Variants in TMC2 observed in about 807,000 individuals in gnomAD.
TMC2 encodes transmembrane channel-like protein 2.
Under a neutral mutation model 105.9 loss-of-function variants are expected in TMC2, and 102 were observed. The ratio of observed to expected loss-of-function variants is 0.96; its 90% CI spans 0.82 to 1.14. TMC2 has a LOEUF of 1.14. Ranked by LOEUF, TMC2 falls within the 50% of genes most tolerant of loss-of-function variation. TMC2 has a pLI of 0.00. For synonymous variants in TMC2, 402 were observed against 422.8 expected, an observed-to-expected ratio of 0.95 and a Z score of 0.60; for missense variants, 1,093 against 1,134.3, an observed-to-expected ratio of 0.96 and a Z score of 0.52.
In TMC2 at chr20:2,536,675, C is replaced by T; in HGVS notation, c.34+20C>T. ...AGGAAGGTGAGTCCACGTCCTGATC[C>T]TGCGGGGCCCGCCCACAGGGTTCCT... On this transcript the variant is annotated intron_variant, in intron 1 of 19. Transcript: ENST00000358864. 6.4e-7 allele frequency: 1 copy of T among 1,567,108 alleles called. No individual in the cohort carries two copies. The highest frequency in any genetic ancestry group is 8.7e-7 in the Non-Finnish European group (1 of 1,155,610).
At chr20:2,594,503 C>T (rs968582478) in intron 8 of TMC2, among the ~76,000 whole-genome samples, 19 of 152,268 alleles carry the variant, frequency 1.2e-4, no homozygotes, top group African/African-American at 2.9e-4. Context: ...GCTGGGATTA[C>T]GGGCGTGAGC....
intron 12 of TMC2, among the ~76,000 whole-genome samples, chr20:2,611,557 G>A (rs192767334): frequency 8.5e-4 from 130 of 152,216 alleles, no homozygotes; most frequent in African/African-American, 2.1e-3. Flanking sequence ...ACTGCCTCCC[G>A]GAAGTCTTCT....
chr20:2,570,117 T>G (rs897177945), intron 4 of TMC2, among the ~76,000 whole-genome samples: 1 of 152,140 alleles, frequency 6.6e-6, no homozygotes, highest in Non-Finnish European at 1.5e-5. Flanking sequence ...AACATAGTAC[T>G]GGAAGTCTTA....
At chr20:2,615,170 G>T (rs1202674258) in intron 14 of TMC2, among the ~76,000 whole-genome samples, 1 of 151,938 alleles carries the variant, frequency 6.6e-6, no homozygotes, top group East Asian at 1.9e-4. Flanking sequence ...AAAAATACAA[G>T]AATTAGCTGG....
intron 7 of TMC2, among the ~76,000 whole-genome samples, chr20:2,587,530 G>GT (rs11087500): frequency 0.95 from 142,589 of 150,554 alleles, 67,587 homozygotes; most frequent in East Asian, 1. Flanking sequence ...ATTTGGGAAT[G>GT]TTTTTTTTTA....
In TMC2 at chr20:2,558,646, A is replaced by G; in HGVS notation, c.273A>G (p.Ala91=). 1.3e-6 allele frequency: 2 copies of G among 1,578,350 alleles called. No individual in the cohort carries two copies. The change falls in exon 3 of 20, where the codon GCA becomes GCG. Residue 91 remains alanine, a synonymous_variant. Transcript: ENST00000358864. The surrounding 1 kb of genome is among the most constrained non-coding windows in gnomAD (Gnocchi z 4.6). ...EELGEQERGE[A]ERTCEGRRKR... ...TGGGGGAGCAGGAGCGGGGCGAGGC[A>G]GAGAGGACCTGCGAGGGCAGGAGAA...
At position 2,637,431 on chromosome 20, in the gene TMC2, C is replaced by T. The variant is rs752928856; in HGVS notation, c.2386-43C>T. 24 of 1,308,190 alleles carry T rather than the reference C, an allele frequency of 1.8e-5. No homozygotes were observed. In the South Asian group the frequency reaches 2.4e-4, roughly 13 times the overall value. 81.0% of individuals were successfully genotyped at this position (1,308,190 alleles called of 1,614,324 possible). A position where few individuals can be genotyped will look rare whatever the true frequency, so the allele number is the denominator to read the frequency against. ...TCTCAACACCTCTGAGCCTCAAAGACCCATTTCCTGGGCCAGGACCAACAG... is the reference window on the plus strand; with the variant it reads ...TCTCAACACCTCTGAGCCTCAAAGATCCATTTCCTGGGCCAGGACCAACAG... On this transcript the variant is annotated intron_variant, in intron 18 of 19. Transcript: ENST00000358864.
At chr20:2,588,496 A>C (rs1355882064) in intron 7 of TMC2, among the ~76,000 whole-genome samples, 1 of 152,174 alleles carries the variant, frequency 6.6e-6, no homozygotes, top group Non-Finnish European at 1.5e-5. Flanking sequence ...CTTTGTGGTA[A>C]TTTGTTACAC....
At position 2,635,981 on chromosome 20, in the gene TMC2, C is replaced by A. The variant is rs749437149; in HGVS notation, c.2362C>A (p.Gln788Lys). ...VSKSLSRANA[Q>K]LRKKIQVLRE... ...CAAAAGCCTTTCCCGAGCTAATGCC[C>A]AGCTGAGGAAGAAAATCCAAGTGGT... Residue 788 changes from glutamine to lysine, a missense_variant, in exon 18 of 20, where the codon CAG becomes AAG. By Grantham distance (53) the Gln-to-Lys change is moderately conservative (BLOSUM62 1). Transcript: ENST00000358864. 1 of 1,613,988 alleles carries A rather than the reference C, an allele frequency of 6.2e-7. No individual in the cohort carries two copies. Among genetic ancestry groups the A allele is most frequent in the East Asian group, 2.2e-5 (1 of 44,896 alleles).
intron 7 of TMC2, among the ~76,000 whole-genome samples, chr20:2,590,536 A>G (rs908655021): frequency 1.3e-5 from 2 of 152,092 alleles, no homozygotes; most frequent in Non-Finnish European, 2.9e-5. Context: ...AAGAACCTAT[A>G]AATTAAGAAA....
intron 3 of TMC2, among the ~76,000 whole-genome samples, chr20:2,560,013 A>G (rs2086014169): frequency 1.3e-5 from 2 of 152,204 alleles, no homozygotes; most frequent in African/African-American, 4.8e-5. Flanking sequence ...GAGATAACAC[A>G]TAGGCATTGG....
intron 11 of TMC2, among the ~76,000 whole-genome samples, chr20:2,606,884 C>CTTTTTTTTT (rs1276064402): frequency 1.9e-4 from 17 of 88,242 alleles, no homozygotes; most frequent in African/African-American, 9.6e-4. Context: ...CCCTTAATTT[C>CTTTTTTTTT]TTTTTTCTTT....
chr20:2,543,513 G>A (rs2085904676), intron 2 of TMC2, among the ~76,000 whole-genome samples: 1 of 152,226 alleles, frequency 6.6e-6, no homozygotes, highest in South Asian at 2.1e-4. Context: ...GGATTTTGAG[G>A]TGAGGCATTC....
rs570569494 is a variant in TMC2 at position 2,629,707 on chromosome 20, C to T, written c.2306+5311C>T. On this transcript the variant is annotated intron_variant, in intron 17 of 19. Coordinates refer to ENST00000358864, the MANE Select transcript of TMC2 (RefSeq NM_080751.3). ...TGGATAGATTTCAGCCAGCAGTCAC[C>T]CCCTTAGTCAGGTGCCTTTTATGCA... is the stretch of plus-strand genomic sequence containing the variant. Among the ~76,000 whole-genome samples the T allele has an allele frequency of 1.2e-4, 19 of 152,252 alleles. No homozygotes were observed. In the South Asian group the frequency reaches 3.9e-3, roughly 32 times the overall value.
At chr20:2,638,658 C>T (rs749313548) in intron 19 of TMC2, among the ~76,000 whole-genome samples, 6 of 152,058 alleles carry the variant, frequency 3.9e-5, no homozygotes, top group African/African-American at 1.4e-4. Flanking sequence ...TATTGATGAT[C>T]CCAACCCTTT....
rs1452078749 is a variant in TMC2 at position 2,562,028 on chromosome 20, C to T, written c.554+18C>T. The T allele has an allele frequency of 5.6e-6, 9 of 1,608,456 alleles. No individual in the cohort carries two copies. The African/African-American group carries it at 8.0e-5, about 14-fold the overall frequency. On this transcript the variant is annotated intron_variant, in intron 4 of 19. Transcript: ENST00000358864. ...GAGCTCAGGTGAGCAGGCTGCGGGT[C>T]AGCCAGGGCCTTCCGATGTCCACAG...
At chr20:2,633,894 T>A (rs2086623302) in intron 17 of TMC2, among the ~76,000 whole-genome samples, 1 of 152,182 alleles carries the variant, frequency 6.6e-6, no homozygotes, top group African/African-American at 2.4e-5. Context: ...TCTGAAAAAA[T>A]TTGATTCTGA....
intron 11 of TMC2, among the ~76,000 whole-genome samples, chr20:2,604,783 C>T (rs976999288): frequency 6.6e-6 from 1 of 152,162 alleles, no homozygotes; most frequent in African/African-American, 2.4e-5. Flanking sequence ...TACATAATGA[C>T]GCCTCCATAA....
intron 16 of TMC2, among the ~76,000 whole-genome samples, chr20:2,621,894 G>C (rs748157839): frequency 6.6e-6 from 1 of 152,172 alleles, no homozygotes; most frequent in Admixed American, 6.5e-5. Context: ...AGCCACCAGC[G>C]TGACAAACAG....
Sources: gnomAD v4.1 joint callset for allele counts (sites outside exome capture counted in the v4.1 genomes callset) on GRCh38, gnomAD v4.1.1 for gene constraint, Gnocchi (gnomAD v3.1) non-coding constraint, MANE v1.5 for transcripts, NCBI Gene and HGNC (gene_info 2026-07-23, HGNC 2026-07-21) for gene names.